RCBTB2: variants seen among roughly 807,000 people sequenced by gnomAD.
The protein encoded by RCBTB2 is RCC1 and BTB domain-containing protein 2.
Under a neutral mutation model 65.4 loss-of-function variants are expected in RCBTB2, and 55 were observed. That is an observed-to-expected ratio of 0.84 (90% CI 0.68 to 1.05). The LOEUF is 1.05. Ranked by LOEUF, RCBTB2 falls within the 50% of genes least tolerant of loss-of-function variation. The pLI is 0.00. For synonymous variants in RCBTB2, 220 were observed against 255.2 expected (o/e 0.86, Z 1.31); for missense variants, 599 against 680.1 (o/e 0.88, Z 1.33).
chr13:48,533,996 G>A (rs1441597663), upstream of RCBTB2, among the ~76,000 whole-genome samples: 4 of 152,158 alleles, frequency 2.6e-5, no homozygotes, highest in Non-Finnish European at 5.9e-5. Flanking sequence ...AGTCTGTTTC[G>A]TCTGGCTTTT....
chr13:48,510,657 G>C lies in RCBTB2; in HGVS notation c.898C>G (p.Pro300Ala). The stretch of plus-strand genomic sequence containing the variant: ...TCCTTTTCCACAGTGACAGGAGTAG[G>C]ATAGGACTGGTTGCTTTTATTGCCA... ...GTGNKSNQSY[P>A]TPVTVEKDRI... Residue 300 changes from proline to alanine, a missense_variant, in exon 10 of 15, where the codon CCT becomes GCT. Pro to Ala is a conservative substitution (Grantham distance 27). Coordinates refer to ENST00000344532, the MANE Select transcript of RCBTB2 (RefSeq NM_001268.4). The C allele has an allele frequency of 6.2e-7, 1 of 1,614,172 alleles. No individual in the cohort carries two copies. The highest frequency in any genetic ancestry group is 8.5e-7 in the Non-Finnish European group (1 of 1,180,030).
chr13:48,529,482 G>C (rs577078904), intron 1 of RCBTB2, among the ~76,000 whole-genome samples: 2 of 152,236 alleles, frequency 1.3e-5, no homozygotes, highest in South Asian at 4.1e-4. Flanking sequence ...ACTGGTACTT[G>C]TTAGCTCAAA....
chr13:48,491,530 A>C (rs1222469433), intron 14 of RCBTB2: 9 of 152,236 alleles, frequency 5.9e-5, no homozygotes, highest in Non-Finnish European at 1.5e-5. Context: ...ATTTAAAATT[A>C]TGTGCTGTTG....
At position 48,527,361 on chromosome 13, in the gene RCBTB2, T is replaced by TGATA; in HGVS notation, c.-218-2605_-218-2604insTATC. Among the ~76,000 whole-genome samples, 13 of 112,414 alleles carry TGATA rather than the reference T, an allele frequency of 1.2e-4. 1 individual carries two copies. Among genetic ancestry groups the TGATA allele is most frequent in the African/African-American group, 6.6e-4 (12 of 18,086 alleles). 73.7% of individuals were successfully genotyped at this position (112,414 alleles called of 152,430 possible). A position where few individuals can be genotyped will look rare whatever the true frequency, so the allele number is the denominator to read the frequency against. ...TGATATATATATATATGATATATAT[T>TGATA]TATATATGATATATATATATGATAT... On this transcript the variant is annotated intron_variant, in intron 1 of 14. Coordinates refer to ENST00000344532, the MANE Select transcript of RCBTB2 (RefSeq NM_001268.4).
At chr13:48,494,710 C>T (rs1244373676) in intron 14 of RCBTB2, among the ~76,000 whole-genome samples, 1 of 152,182 alleles carries the variant, frequency 6.6e-6, no homozygotes, top group Non-Finnish European at 1.5e-5. Flanking sequence ...CCTCCATCAC[C>T]GTGGCTCATC....
rs370436397 is a variant in RCBTB2, at chr13:48,518,895, T to G, written c.42+3003A>C. The stretch of plus-strand genomic sequence containing the variant: ...TCTATGAGGCCTTCGTTTTTAATTT[T>G]TTTCCTATTTTAAGTCTGTAAATTT... On this transcript the variant is annotated intron_variant, in intron 4 of 14. Coordinates refer to ENST00000344532, the MANE Select transcript of RCBTB2 (RefSeq NM_001268.4). 3.1e-4 allele frequency among the ~76,000 whole-genome samples: 47 copies of G among 152,308 alleles called. No homozygotes were observed. In the South Asian group the frequency reaches 9.7e-3, roughly 32 times the overall value.
At chr13:48,497,885 G>A (rs74077645) in intron 13 of RCBTB2, among the ~76,000 whole-genome samples, 1,677 of 152,322 alleles carry the variant, frequency 0.011, 26 homozygotes, top group African/African-American at 0.038. Context: ...AGACACACAT[G>A]CAAGCTGCAC....
At chr13:48,490,452 A>G (rs1949649873) in intron 14 of RCBTB2, among the ~76,000 whole-genome samples, 1 of 152,236 alleles carries the variant, frequency 6.6e-6, no homozygotes, top group Non-Finnish European at 1.5e-5. Context: ...AAATTTAAGT[A>G]GCACAGAGTA....
chr13:48,524,513 T>C (rs1435618837), intron 2 of RCBTB2, 146 bp downstream of exon 2: 2 of 152,222 alleles, frequency 1.3e-5, no homozygotes, highest in Non-Finnish European at 2.9e-5. Flanking sequence ...GAGCCAGTAT[T>C]TGAACCAGGA....
intron 4 of RCBTB2, among the ~76,000 whole-genome samples, chr13:48,516,303 C>T (rs140909247): frequency 3.3e-5 from 5 of 152,224 alleles, no homozygotes; most frequent in African/African-American, 1.2e-4. Flanking sequence ...GAATTAACAC[C>T]CAGAAAACAC....
intron 9 of RCBTB2, among the ~76,000 whole-genome samples, 193 bp from the exon 10 acceptor site, chr13:48,510,964 C>T (rs1451517492): frequency 1.3e-5 from 2 of 152,330 alleles, no homozygotes; most frequent in East Asian, 3.9e-4. Context: ...CATGAGTACC[C>T]TGGCGTGAGC....
chr13:48,512,496 A>G lies in RCBTB2; in HGVS notation c.516+233T>C, dbSNP rs569295258. On this transcript the variant is annotated intron_variant, in intron 7 of 14. Coordinates refer to ENST00000344532, the MANE Select transcript of RCBTB2 (RefSeq NM_001268.4). Reference sequence around the variant, plus strand: ...TTATTGCAAATAACCTCTTTACTACAGCAACAGAGAAGGAACAATACCTCC... The same window carrying G: ...TTATTGCAAATAACCTCTTTACTACGGCAACAGAGAAGGAACAATACCTCC... Among the ~76,000 whole-genome samples the G allele has an allele frequency of 2.6e-5, 4 of 152,332 alleles. No homozygotes were observed. In the East Asian group the frequency reaches 5.8e-4, roughly 22 times the overall value.
intron 9 of RCBTB2, 50 bp downstream of exon 9, chr13:48,511,720 T>C: frequency 1.4e-6 from 2 of 1,479,666 alleles, no homozygotes; most frequent in Admixed American, 3.9e-5. Context: ...TTGATATCTT[T>C]GCCAGCGAAG....
At chr13:48,518,659 A>G (rs1951241276) in intron 4 of RCBTB2, among the ~76,000 whole-genome samples, 1 of 151,582 alleles carries the variant, frequency 6.6e-6, no homozygotes, top group Admixed American at 6.6e-5. Flanking sequence ...TTAGGAACAC[A>G]GTGTTCTATG....
intron 13 of RCBTB2, among the ~76,000 whole-genome samples, chr13:48,499,142 A>ACACACACACACACACACCCT (rs1366425462): frequency 7.6e-6 from 1 of 132,290 alleles, no homozygotes; most frequent in African/African-American, 2.9e-5. Context: ...ACACACACAC[A>ACACACACACACACACACCCT]CTCTCTCTCT....
chr13:48,500,372 A>G (rs1466748566), intron 12 of RCBTB2, among the ~76,000 whole-genome samples: 2 of 152,188 alleles, frequency 1.3e-5, no homozygotes, highest in African/African-American at 2.4e-5. Flanking sequence ...AGCCTGGCCA[A>G]TATGGTGAAA....
upstream of RCBTB2, among the ~76,000 whole-genome samples, chr13:48,534,924 A>G (rs190790939): frequency 9.1e-4 from 138 of 152,346 alleles, no homozygotes; most frequent in African/African-American, 3.2e-3. Flanking sequence ...TGTGCACTCT[A>G]TTCCTTCCCA....
intron 13 of RCBTB2, among the ~76,000 whole-genome samples, chr13:48,499,273 T>G (rs749657316): frequency 6.6e-6 from 1 of 152,132 alleles, no homozygotes; most frequent in African/African-American, 2.4e-5. Flanking sequence ...CCTAAGCCAC[T>G]GGGCACAGAC....
upstream of RCBTB2, chr13:48,533,186 G>T (rs1952282111): frequency 2.8e-6 from 1 of 363,396 alleles, no homozygotes; most frequent in Non-Finnish European, 5.5e-6. Flanking sequence ...CGAAGGGAGC[G>T]CAGACAAGAG....
Sources: gnomAD v4.1 joint callset for allele counts (sites outside exome capture counted in the v4.1 genomes callset) on GRCh38, gnomAD v4.1.1 for gene constraint, MANE v1.5 for transcripts, NCBI Gene and HGNC (gene_info 2026-07-23, HGNC 2026-07-21) for gene names.